Variants in DDX60L observed in about 807,000 individuals in gnomAD.
DDX60L encodes the protein DExD/H-box 60 like.
DDX60L carries 191 observed loss-of-function variants against 211.6 expected under a neutral mutation model. That is an observed-to-expected ratio of 0.90 (90% CI 0.80 to 1.02). The LOEUF is 1.02. Ranked by LOEUF, DDX60L falls within the 50% of genes least tolerant of loss-of-function variation. The probability of loss-of-function intolerance (pLI) is 0.00; values close to 1 mark genes in which losing one functional copy is unlikely to be tolerated. For missense variants in DDX60L, 2,007 were observed against 1,984.1 expected (o/e 1.01, Z -0.22); for synonymous variants, 706 against 694.1 (o/e 1.02, Z -0.27).
chr4:168,376,265 ATTGAGGTAT>A, intron 33 of DDX60L, among the ~76,000 whole-genome samples: 1 of 152,288 alleles, frequency 6.6e-6, no homozygotes, highest in South Asian at 2.1e-4. Context: ...TTTTCCAATA[ATTGAGGTAT>A]TTTATAAGGG....
intron 6 of DDX60L, among the ~76,000 whole-genome samples, chr4:168,457,100 C>T (rs559204859): frequency 1.3e-5 from 2 of 151,666 alleles, no homozygotes; most frequent in South Asian, 4.2e-4. Context: ...CCTGTGGGTC[C>T]AGCTACTCAG....
chr4:168,466,988 G>A (rs1318923226), intron 4 of DDX60L, among the ~76,000 whole-genome samples: 1 of 152,120 alleles, frequency 6.6e-6, no homozygotes, highest in Non-Finnish European at 1.5e-5. Flanking sequence ...TAGAATACGT[G>A]TTGCTTTTGC....
intron 9 of DDX60L, among the ~76,000 whole-genome samples, chr4:168,443,998 T>C (rs1248537394): frequency 1.1e-5 from 1 of 92,992 alleles, no homozygotes; most frequent in Non-Finnish European, 2.1e-5. Flanking sequence ...GCTAACATCA[T>C]AATGACAGGA....
At chr4:168,383,115 G>C (rs1157669741) in intron 30 of DDX60L, among the ~76,000 whole-genome samples, 1 of 152,132 alleles carries the variant, frequency 6.6e-6, no homozygotes, top group African/African-American at 2.4e-5. Context: ...TGAGTCTATA[G>C]CCAATATTCA....
chr4:168,465,486 C>A (rs1346767351), intron 4 of DDX60L, among the ~76,000 whole-genome samples: 1 of 152,042 alleles, frequency 6.6e-6, no homozygotes, highest in Non-Finnish European at 1.5e-5. Flanking sequence ...TGTGCGGAAA[C>A]TTTTTAGTTT....
chr4:168,430,625 A>T lies in DDX60L; in HGVS notation c.1530T>A (p.Asp510Glu), dbSNP rs1752200188. Residue 510 changes from aspartate to glutamate, a missense_variant, in exon 13 of 38, where the codon GAT becomes GAA. Coordinates refer to ENST00000682922, the MANE Select transcript of DDX60L (RefSeq NM_001012967.3). Reference protein sequence around the residue: ...IKCHVDEQSRDPHVLDFLKKI... With the variant: ...IKCHVDEQSREPHVLDFLKKI... ...TTTTCAGGAAATCAAGAACATGAGGATCTCTAGATTGTTCTGAAATAGAAA... is the reference window on the plus strand; with the variant it reads ...TTTTCAGGAAATCAAGAACATGAGGTTCTCTAGATTGTTCTGAAATAGAAA... 2 of 1,552,348 alleles carry T rather than the reference A, an allele frequency of 1.3e-6. No homozygotes were observed. Among genetic ancestry groups the T allele is most frequent in the Non-Finnish European group, 1.7e-6 (2 of 1,150,208 alleles).
At chr4:168,406,538 T>C (rs1463248692) in intron 23 of DDX60L, 64 bp downstream of exon 23, 13 of 1,164,560 alleles carry the variant, frequency 1.1e-5, no homozygotes, top group Non-Finnish European at 1.6e-5. Flanking sequence ...TAGAGTAATT[T>C]TGCTATATTC....
chr4:168,444,532 T>TA (rs1222078359), intron 9 of DDX60L, among the ~76,000 whole-genome samples: 2 of 110,990 alleles, frequency 1.8e-5, no homozygotes, highest in African/African-American at 7.1e-5. Flanking sequence ...GCAGACCTAA[T>TA]AGACATCTAC....
rs772111359 is a variant in DDX60L at position 168,471,739 on chromosome 4, T to C, written c.264+8A>G. 8.8e-6 allele frequency: 14 copies of C among 1,584,688 alleles called. No homozygotes were observed. The Admixed American group carries it at 2.2e-4, about 25-fold the overall frequency. ...AGGACTAAAACGACATCAATCATCA[T>C]ATATTACCTTAAAGAAAACTATGGT... On this transcript the variant is annotated splice_region_variant and intron_variant, in intron 4 of 37. Transcript: ENST00000682922.
chr4:168,375,560 C>T (rs904761285), intron 33 of DDX60L, 36 bp from the exon 34 acceptor site: 2 of 1,535,408 alleles, frequency 1.3e-6, no homozygotes, highest in East Asian at 2.3e-5. Flanking sequence ...GATCTCTTTA[C>T]TTTTATTTAA....
chr4:168,449,659 A>C (rs1162403400), intron 8 of DDX60L, among the ~76,000 whole-genome samples: 2 of 91,032 alleles, frequency 2.2e-5, no homozygotes, highest in African/African-American at 8.3e-5. Context: ...ATGCAAAAAA[A>C]AAAAAAGAAA....
intron 10 of DDX60L, among the ~76,000 whole-genome samples, chr4:168,437,130 T>G (rs749511661): frequency 1.3e-5 from 2 of 152,204 alleles, no homozygotes; most frequent in Non-Finnish European, 2.9e-5. Context: ...AACAAAGGAT[T>G]GGACTGGACT....
intron 35 of DDX60L, among the ~76,000 whole-genome samples, 197 bp downstream of exon 35, chr4:168,373,469 G>A (rs1005992887): frequency 9.9e-5 from 15 of 152,062 alleles, no homozygotes; most frequent in Non-Finnish European, 2.2e-4. Flanking sequence ...TTTAGACAAA[G>A]AAGCAGGGTT....
At chr4:168,415,592 C>T (rs17054116) in intron 21 of DDX60L, 65 bp downstream of exon 21, 15 of 1,424,098 alleles carry the variant, frequency 1.1e-5, no homozygotes, top group African/African-American at 7.3e-5. Context: ...ACACAAAAAT[C>T]CCTATAAAAA....
intron 8 of DDX60L, 88 bp from the exon 9 acceptor site, chr4:168,448,867 G>T (rs963271844): frequency 5.1e-6 from 6 of 1,169,808 alleles, no homozygotes; most frequent in Non-Finnish European, 7.2e-6. Flanking sequence ...AGGTCACAAG[G>T]GACATTTCTG....
intron 22 of DDX60L, among the ~76,000 whole-genome samples, chr4:168,414,718 G>T (rs1394400376): frequency 1.3e-5 from 2 of 152,036 alleles, no homozygotes; most frequent in Non-Finnish European, 2.9e-5. Context: ...AACATAGATG[G>T]AATTGGATGT....
In DDX60L at chr4:168,467,789, G is replaced by C. The variant is rs1035084890; in HGVS notation, c.264+3958C>G. Among the ~76,000 whole-genome samples the C allele has an allele frequency of 2.6e-5, 4 of 152,154 alleles. No homozygotes were observed. In the East Asian group the frequency reaches 7.7e-4, roughly 29 times the overall value. ...TACCAATCTCATAAAGACTTTTTCA[G>C]AAAATAGAAGAGGAAAATGGACTTT... On this transcript the variant is annotated intron_variant, in intron 4 of 37. Coordinates refer to ENST00000682922, the MANE Select transcript of DDX60L (RefSeq NM_001012967.3).
chr4:168,443,341 G>C (rs1015312765), intron 9 of DDX60L, among the ~76,000 whole-genome samples: 1 of 151,988 alleles, frequency 6.6e-6, no homozygotes, highest in Admixed American at 6.6e-5. Context: ...AGAATAAAAA[G>C]AAATGAGCAA....
chr4:168,462,053 A>G lies in DDX60L; in HGVS notation c.265-13T>C, dbSNP rs760931657. The G allele has an allele frequency of 3.9e-6, 6 of 1,544,622 alleles. No homozygotes were observed. The Admixed American group carries it at 5.8e-5, about 15-fold the overall frequency. On this transcript the variant is annotated splice_polypyrimidine_tract_variant and intron_variant, in intron 4 of 37. Transcript: ENST00000682922. Reference sequence around the variant, plus strand: ...CATATTCAGCATCCTGTGGTGAGAAAAAGAAACAAGCACATCATTTTCAAA... The same window carrying G: ...CATATTCAGCATCCTGTGGTGAGAAGAAGAAACAAGCACATCATTTTCAAA...
Sources: gnomAD v4.1 joint callset for allele counts (sites outside exome capture counted in the v4.1 genomes callset) on GRCh38, gnomAD v4.1.1 for gene constraint, MANE v1.5 for transcripts, NCBI Gene and HGNC (gene_info 2026-07-23, HGNC 2026-07-21) for gene names.